MAP3K15: variants seen among roughly 807,000 people sequenced by gnomAD.
The protein encoded by MAP3K15 is mitogen-activated protein kinase kinase kinase 15.
MAP3K15 carries 124 observed loss-of-function variants against 99.5 expected under a neutral mutation model. The observed-to-expected ratio is 1.25, with a 90% CI of 1.08 to 1.45. The LOEUF (loss-of-function observed/expected upper bound fraction) is 1.45, where lower values mean the gene tolerates loss of function less well. Among genes scored for constraint, MAP3K15 ranks in the 40% most tolerant of loss-of-function variants. The probability of loss-of-function intolerance (pLI) is 0.00; values close to 1 mark genes in which losing one functional copy is unlikely to be tolerated. For synonymous variants in MAP3K15, 494 were observed against 439.6 expected (o/e 1.12, Z -1.55); for missense variants, 1,242 against 1,079.7 (o/e 1.15, Z -2.11).
Position 19,469,942 on chromosome X carries a change from C to T in MAP3K15, c.526-5536G>A, listed in dbSNP as rs2064195937. Among the ~76,000 whole-genome samples the T allele has an allele frequency of 5.5e-5, 6 of 109,913 alleles. No homozygotes were observed. The South Asian group carries it at 1.2e-3, about 22-fold the overall frequency. On this transcript the variant is annotated intron_variant, in intron 3 of 28. Transcript: ENST00000338883. ...ATGTGGAGAAATAGGAACACTTTTA[C>T]ACTGGTGGTGGGACTGTAAACTAGT...
chrX:19,448,792 G>T (rs917546892), intron 6 of MAP3K15, among the ~76,000 whole-genome samples: 1 of 109,640 alleles, frequency 9.1e-6, no homozygotes, highest in South Asian at 4.0e-4. Context: ...CCTAACACTG[G>T]TGGTTGGAAT....
chrX:19,433,969 C>T (rs960493005), intron 6 of MAP3K15, among the ~76,000 whole-genome samples: 2 of 111,170 alleles, frequency 1.8e-5, no homozygotes, highest in African/African-American at 6.5e-5. Flanking sequence ...GACAGATCCA[C>T]GTGTAATTAC....
chrX:19,514,973 G>A lies in MAP3K15; in HGVS notation c.289C>T (p.His97Tyr). The change falls in exon 1 of 29, where the codon CAC becomes TAC. Residue 97 changes from histidine to tyrosine, a missense_variant. Physicochemically the swap from His to Tyr is moderately conservative, Grantham distance 83. Coordinates refer to ENST00000338883, the MANE Select transcript of MAP3K15 (RefSeq NM_001001671.4). ...LLRACEAEGA[H>Y]LTSVPFGELD... is the part of the protein sequence containing the mutation. ...TCCCCGAAGGGCACGGAGGTGAGGT[G>A]AGCGCCCTCGGCCTCGCAGGCCCGC... 1 of 1,138,029 alleles carries A rather than the reference G, an allele frequency of 8.8e-7. No individual in the cohort carries two copies. Among genetic ancestry groups the A allele is most frequent in the Non-Finnish European group, 1.2e-6 (1 of 864,707 alleles). 93.8% of individuals were successfully genotyped at this position (1,138,029 alleles called of 1,213,427 possible).
At chrX:19,419,394 C>G (rs1436554254) in intron 9 of MAP3K15, among the ~76,000 whole-genome samples, 2 of 108,417 alleles carry the variant, frequency 1.8e-5, no homozygotes, top group African/African-American at 3.4e-5. Context: ...CAATCCTAGT[C>G]TCTGATAAAA....
At chrX:19,484,608 C>A (rs747555506) in intron 3 of MAP3K15, among the ~76,000 whole-genome samples, 4 of 111,748 alleles carry the variant, frequency 3.6e-5, no homozygotes, top group Non-Finnish European at 5.6e-5. Context: ...CAGCGTGACA[C>A]CAAGTCTCCG....
chrX:19,471,655 T>C (rs2064208611), intron 3 of MAP3K15, among the ~76,000 whole-genome samples: 1 of 111,683 alleles, frequency 9.0e-6, no homozygotes, highest in Admixed American at 9.5e-5. Context: ...CACCCAGATG[T>C]GTCAGTTAAC....
rs145329587 is a variant in MAP3K15 at position 19,407,270 on chromosome X, C to T, written c.1762G>A (p.Asp588Asn). 1 of 1,177,411 alleles carries T rather than the reference C, an allele frequency of 8.5e-7. No individual in the cohort carries two copies. Among genetic ancestry groups the T allele is most frequent in the East Asian group, 3.0e-5 (1 of 32,894 alleles). Residue 588 changes from aspartate (D) to asparagine (N), a missense_variant, in exon 13 of 29, where the codon GAT becomes AAT. Asp to Asn is a conservative substitution (Grantham distance 23). Transcript: ENST00000338883. The part of the protein sequence containing the change: ...SIKGISLSKF[D>N]ERCCFLYVHD... ...ACATAAAGAAAACAACACCTTTCAT[C>T]AAACTTTGATAGGCTGTAAAATTTC...
chrX:19,419,131 T>C (rs2063761740), intron 9 of MAP3K15, among the ~76,000 whole-genome samples: 1 of 112,077 alleles, frequency 8.9e-6, no homozygotes, highest in Admixed American at 9.5e-5. Context: ...CTGCATCAAC[T>C]AATGAGCAAA....
chrX:19,456,107 A>G (rs2064090941), intron 6 of MAP3K15, among the ~76,000 whole-genome samples: 1 of 110,793 alleles, frequency 9.0e-6, no homozygotes. Flanking sequence ...GAATCCTACC[A>G]CTGTTTGCCG....
rs762909785 is a variant in MAP3K15, at chrX:19,509,729, G to T, written c.361+5172C>A. On this transcript the variant is annotated intron_variant, in intron 1 of 28. Coordinates refer to ENST00000338883, the MANE Select transcript of MAP3K15 (RefSeq NM_001001671.4). ...ACATTCAAAAGCTAGCAGAAGACAA[G>T]AAATAACTAAGATTGGAGCAGAACT... is the stretch of plus-strand genomic sequence containing the variant. Among the ~76,000 whole-genome samples, 5 of 111,019 alleles carry T rather than the reference G, an allele frequency of 4.5e-5. No homozygotes were observed. The East Asian group carries it at 1.1e-3, about 25-fold the overall frequency.
At chrX:19,417,006 T>A (rs969012329) in intron 9 of MAP3K15, among the ~76,000 whole-genome samples, 2 of 112,602 alleles carry the variant, frequency 1.8e-5, no homozygotes, top group African/African-American at 6.4e-5. Flanking sequence ...AACCCATATA[T>A]CTTTGACCAG....
chrX:19,472,058 T>TA (rs2064211393), intron 3 of MAP3K15, among the ~76,000 whole-genome samples: 2 of 109,727 alleles, frequency 1.8e-5, no homozygotes, highest in African/African-American at 3.3e-5. Flanking sequence ...CCATCTCTAC[T>TA]AAAAAAATAC....
chrX:19,503,311 T>C (rs924622767), intron 1 of MAP3K15, among the ~76,000 whole-genome samples: 1 of 110,121 alleles, frequency 9.1e-6, no homozygotes, highest in Non-Finnish European at 1.9e-5. Context: ...ATGTGCTGTA[T>C]CAGAGGGCTG....
At chrX:19,430,554 A>G (rs2063872768) in intron 7 of MAP3K15, among the ~76,000 whole-genome samples, 1 of 111,425 alleles carries the variant, frequency 9.0e-6, no homozygotes, top group African/African-American at 3.3e-5. Context: ...TAGCTGATAC[A>G]CTCCCTAAAA....
At chrX:19,444,217 G>C (rs759846420) in intron 6 of MAP3K15, among the ~76,000 whole-genome samples, 32 of 112,057 alleles carry the variant, frequency 2.9e-4, no homozygotes, top group Non-Finnish European at 5.4e-4. Context: ...ATCACCACGA[G>C]ACCTATTCTA....
At chrX:19,411,020 C>T (rs1602282564) in intron 11 of MAP3K15, among the ~76,000 whole-genome samples, 1 of 110,317 alleles carries the variant, frequency 9.1e-6, no homozygotes, top group South Asian at 3.9e-4. Context: ...CCCGTCTCTA[C>T]TAAAAATACA....
intron 3 of MAP3K15, among the ~76,000 whole-genome samples, chrX:19,469,050 C>T (rs1420659960): frequency 9.0e-6 from 1 of 111,228 alleles, no homozygotes; most frequent in East Asian, 2.8e-4. Context: ...ACAATCATGT[C>T]ATCTGCAAAC....
intron 26 of MAP3K15, 79 bp downstream of exon 26, chrX:19,362,659 G>A (rs144970937): frequency 5.6e-5 from 34 of 607,210 alleles, no homozygotes; most frequent in African/African-American, 2.9e-4. Flanking sequence ...ATTAACAGAA[G>A]ATAACCTCAA....
chrX:19,376,871 TAAAA>T (rs760194590), intron 19 of MAP3K15: 92 of 105,273 alleles, frequency 8.7e-4, no homozygotes, highest in African/African-American at 2.9e-3. Flanking sequence ...CTTGACTAGT[TAAAA>T]AAAATAAAAA....
Sources: gnomAD v4.1 joint callset for allele counts (sites outside exome capture counted in the v4.1 genomes callset) on GRCh38, gnomAD v4.1.1 for gene constraint, MANE v1.5 for transcripts, NCBI Gene and HGNC (gene_info 2026-07-23, HGNC 2026-07-21) for gene names.